RGS20: variants seen among roughly 807,000 people sequenced by gnomAD.
RGS20 encodes the protein gz-selective GTPase-activating protein.
Under a neutral mutation model 33.6 loss-of-function variants are expected in RGS20, and 30 were observed. The ratio of observed to expected loss-of-function variants is 0.89; its 90% CI spans 0.67 to 1.21. RGS20 has a LOEUF of 1.21. Among genes scored for constraint, RGS20 ranks in the 50% most tolerant of loss-of-function variants. The pLI, the probability that RGS20 is intolerant of heterozygous loss-of-function variation, is 0.00. For synonymous variants in RGS20, 208 were observed against 197.9 expected, an observed-to-expected ratio of 1.05 and a Z score of -0.43; for missense variants, 472 against 502.4, an observed-to-expected ratio of 0.94 and a Z score of 0.58.
At chr8:53,922,298 T>TTATTTGCTA (rs1190140476) in intron 2 of RGS20, among the ~76,000 whole-genome samples, 6 of 152,224 alleles carry the variant, frequency 3.9e-5, no homozygotes. Flanking sequence ...TAATAGTATT[T>TTATTTGCTA]TATTTGCTAT....
chr8:53,956,547 G>A (rs1814868150), intron 5 of RGS20, among the ~76,000 whole-genome samples: 2 of 152,170 alleles, frequency 1.3e-5, no homozygotes, highest in Admixed American at 6.5e-5. Context: ...TAGAGAGGAA[G>A]AGTCGGATTT....
rs549077335 is a variant in RGS20 at position 53,906,269 on chromosome 8, G to C, written c.510+26667G>C. ...CACGTGCCTACAGTCCTAGCTATTTGGGAGGCTAAAGCAGGAGAATCACTT... is the reference window on the plus strand; with the variant it reads ...CACGTGCCTACAGTCCTAGCTATTTCGGAGGCTAAAGCAGGAGAATCACTT... On this transcript the variant is annotated intron_variant, in intron 2 of 5. Transcript: ENST00000297313. 2.2e-3 allele frequency among the ~76,000 whole-genome samples: 337 copies of C among 152,192 alleles called. 5 individuals are homozygous for C. Among genetic ancestry groups the C allele is most frequent in the African/African-American group, 7.5e-3 (310 of 41,532 alleles).
intron 1 of RGS20, among the ~76,000 whole-genome samples, chr8:53,868,390 G>A (rs909948793): frequency 1.3e-5 from 2 of 152,256 alleles, no homozygotes; most frequent in East Asian, 3.9e-4. Context: ...GTCAAGGAGC[G>A]TGACAGCCAG....
At chr8:53,915,228 T>C (rs1813452149) in intron 2 of RGS20, among the ~76,000 whole-genome samples, 1 of 151,904 alleles carries the variant, frequency 6.6e-6, no homozygotes, top group Non-Finnish European at 1.5e-5. Context: ...CTTTGGCCTC[T>C]CCAGAGGTTG....
At chr8:53,900,070 T>C (rs1221316027) in intron 2 of RGS20, among the ~76,000 whole-genome samples, 1 of 152,198 alleles carries the variant, frequency 6.6e-6, no homozygotes, top group Non-Finnish European at 1.5e-5. Flanking sequence ...GATTTGTGAA[T>C]GGTTGAGGTG....
intron 2 of RGS20, among the ~76,000 whole-genome samples, chr8:53,901,004 T>C: frequency 6.6e-6 from 1 of 151,670 alleles, no homozygotes; most frequent in Non-Finnish European, 1.5e-5. Flanking sequence ...AGCATCCCAC[T>C]GTACTCTCTC....
At chr8:53,932,055 C>A (rs1451762037) in intron 2 of RGS20, among the ~76,000 whole-genome samples, 3 of 152,186 alleles carry the variant, frequency 2.0e-5, no homozygotes, top group Admixed American at 6.5e-5. Context: ...GTGGAAAATT[C>A]TTTTCTTTAA....
At chr8:53,922,269 T>G (rs1415004125) in intron 2 of RGS20, among the ~76,000 whole-genome samples, 1 of 152,214 alleles carries the variant, frequency 6.6e-6, no homozygotes, top group Non-Finnish European at 1.5e-5. Context: ...CCTATTAATC[T>G]CTAGTAACAT....
chr8:53,854,072 A>T (rs1246835634), intron 1 of RGS20, among the ~76,000 whole-genome samples: 1 of 152,184 alleles, frequency 6.6e-6, no homozygotes, highest in Non-Finnish European at 1.5e-5. Flanking sequence ...TCATGCAAAA[A>T]TTACCCCCAA....
Position 53,901,836 on chromosome 8 carries a change from C to T in RGS20, c.510+22234C>T, listed in dbSNP as rs557068046. ...AATAGCCACTGCACTCCACTGTGGG[C>T]AACAGAGTGAGACCCTGTCCCTTAA... On this transcript the variant is annotated intron_variant, in intron 2 of 5. Transcript: ENST00000297313. Among the ~76,000 whole-genome samples, 25 of 151,862 alleles carry T rather than the reference C, an allele frequency of 1.6e-4. No individual in the cohort carries two copies. In the South Asian group the frequency reaches 5.0e-3, roughly 30 times the overall value.
intron 5 of RGS20, among the ~76,000 whole-genome samples, chr8:53,955,924 T>C (rs1343872127): frequency 6.6e-6 from 1 of 152,178 alleles, no homozygotes; most frequent in African/African-American, 2.4e-5. Flanking sequence ...ATTAGTTATT[T>C]CCTACTATGT....
At chr8:53,947,824 A>C (rs1432212337) in intron 4 of RGS20, among the ~76,000 whole-genome samples, 1 of 137,974 alleles carries the variant, frequency 7.2e-6, no homozygotes, top group Non-Finnish European at 1.5e-5. Flanking sequence ...TAGTATATAC[A>C]TTTATATATG....
chr8:53,912,697 G>C (rs781041281), intron 2 of RGS20, among the ~76,000 whole-genome samples: 1 of 151,958 alleles, frequency 6.6e-6, no homozygotes, highest in Admixed American at 6.6e-5. Context: ...GTGTGCATGT[G>C]TATGTTTGTA....
chr8:53,890,779 G>A (rs1222093173), intron 2 of RGS20, among the ~76,000 whole-genome samples: 1 of 152,170 alleles, frequency 6.6e-6, no homozygotes. Context: ...ACAGGCACTT[G>A]CCAATTCACC....
intron 1 of RGS20, among the ~76,000 whole-genome samples, chr8:53,871,487 G>A (rs1023001984): frequency 6.6e-6 from 1 of 151,994 alleles, no homozygotes; most frequent in Non-Finnish European, 1.5e-5. Flanking sequence ...CTTGGTGGCT[G>A]GTGTCTGTAA....
chr8:53,871,910 A>G lies in RGS20; in HGVS notation c.166-7348A>G, dbSNP rs572889782. Among the ~76,000 whole-genome samples, 4 of 152,238 alleles carry G rather than the reference A, an allele frequency of 2.6e-5. No homozygotes were observed. The South Asian group carries it at 8.3e-4, about 32-fold the overall frequency. On this transcript the variant is annotated intron_variant, in intron 1 of 5. Coordinates refer to ENST00000297313, the MANE Select transcript of RGS20 (RefSeq NM_170587.4). ...AATACCTTTGTATGCTAGTGCTTCCAAATTCACATCTCCTAGACTCCCACC... is the reference window on the plus strand; with the variant it reads ...AATACCTTTGTATGCTAGTGCTTCCGAATTCACATCTCCTAGACTCCCACC...
chr8:53,937,648 A>G (rs2129289780), intron 2 of RGS20, among the ~76,000 whole-genome samples: 1 of 152,364 alleles, frequency 6.6e-6, no homozygotes, highest in Non-Finnish European at 1.5e-5. Flanking sequence ...ACAAAGGGCT[A>G]ATATCCAGAA....
intron 1 of RGS20, among the ~76,000 whole-genome samples, chr8:53,873,916 G>A (rs1005869757): frequency 9.2e-5 from 14 of 152,146 alleles, no homozygotes; most frequent in African/African-American, 1.4e-4. Context: ...GTCTGGAGCC[G>A]GGATGGGTGC....
chr8:53,957,427 C>G (rs1311449094), intron 5 of RGS20, among the ~76,000 whole-genome samples: 2 of 152,256 alleles, frequency 1.3e-5, no homozygotes. Context: ...CATTGTCTGC[C>G]CTCAGGCCCT....
Sources: allele counts gnomAD v4.1 joint callset (sites outside exome capture counted in the v4.1 genomes callset), GRCh38; gene constraint gnomAD v4.1.1; transcripts MANE v1.5; gene names NCBI Gene and HGNC (gene_info 2026-07-23, HGNC 2026-07-21).